TRIM37: variants seen among roughly 807,000 people sequenced by gnomAD.
TRIM37 encodes tripartite motif containing 37.
In TRIM37, 80 loss-of-function variants were observed where a neutral mutation model predicts 129.8. That is an observed-to-expected ratio of 0.62 (90% CI 0.51 to 0.74). The LOEUF (loss-of-function observed/expected upper bound fraction) is 0.74. Among genes scored for constraint, TRIM37 ranks in the 30% least tolerant of loss-of-function variants. TRIM37 has a pLI of 0.00. For missense variants in TRIM37, 1,054 were observed against 1,176.5 expected (o/e 0.90, Z 1.52); for synonymous variants, 389 against 387.1 (o/e 1.00, Z -0.06).
the TRIM37 span, among the ~76,000 whole-genome samples, chr17:58,975,744 T>C: frequency 6.6e-6 from 1 of 152,168 alleles, no homozygotes; most frequent in African/African-American, 2.4e-5. Flanking sequence ...TAGTCTGGAC[T>C]TTACCAGGTG....
At chr17:59,014,509 T>C (rs963499557) in intron 21 of TRIM37, among the ~76,000 whole-genome samples, 5 of 152,106 alleles carry the variant, frequency 3.3e-5, no homozygotes, top group African/African-American at 1.2e-4. Flanking sequence ...GAGATAAACG[T>C]GTTAACTACT....
chr17:58,969,520 T>C, the TRIM37 span: 1 of 1,613,666 alleles, frequency 6.2e-7, no homozygotes, highest in South Asian at 1.1e-5. Context: ...CCATAACTGT[T>C]CTGTGTTTCT....
Position 58,998,885 on chromosome 17 carries a change from C to A in TRIM37, c.*492G>T. On this transcript the variant is annotated 3_prime_UTR_variant, in exon 24 of 24. Transcript: ENST00000262294. ...AGTTATTCACATAGTGTCTACAGGGCAGAATCTCTTCCAAAGCAATTTTCT... is the reference window on the plus strand; with the variant it reads ...AGTTATTCACATAGTGTCTACAGGGAAGAATCTCTTCCAAAGCAATTTTCT... 9.9e-7 allele frequency: 1 copy of A among 1,014,232 alleles called. No homozygotes were observed. The highest frequency in any genetic ancestry group is 1.2e-6 in the Non-Finnish European group (1 of 846,764). 62.8% of individuals were successfully genotyped at this position (1,014,232 alleles called of 1,614,324 possible).
At position 59,106,591 on chromosome 17, in the gene TRIM37, A is replaced by T. The variant is rs2046025173; in HGVS notation, c.-130T>A. The T allele has an allele frequency of 1.9e-6, 2 of 1,067,658 alleles. No homozygotes were observed. The highest frequency in any genetic ancestry group is 2.8e-6 in the Non-Finnish European group (2 of 712,760). The allele number at this position is 1,067,658 out of a possible 1,614,324, so 66.1% of individuals were successfully genotyped here. On this transcript the variant is annotated 5_prime_UTR_variant, in exon 1 of 24. In the 5' UTR this introduces an upstream ATG that the reference lacks. Transcript: ENST00000262294. ...GCGCCCACGTCAGGGGGCTCTGACAACCGCCCCACCTGCGCGCCCCATCTC... is the reference window on the plus strand; with the variant it reads ...GCGCCCACGTCAGGGGGCTCTGACATCCGCCCCACCTGCGCGCCCCATCTC...
At chr17:59,087,400 G>A in intron 4 of TRIM37, among the ~76,000 whole-genome samples, 1 of 151,044 alleles carries the variant, frequency 6.6e-6, no homozygotes. Context: ...CGCCCGAATA[G>A]TAGGTTTTAA....
Position 59,056,649 on chromosome 17 carries a change from G to C in TRIM37, c.1199+226C>G, listed in dbSNP as rs374309914. On this transcript the variant is annotated intron_variant, in intron 13 of 23. Transcript: ENST00000262294. ...GGAGGCTGAGGCAGGAGAATGGCGT[G>C]AACCCGGGAGGCGGAGCTTGTAGTG... Among the ~76,000 whole-genome samples, 299 of 140,140 alleles carry C rather than the reference G, an allele frequency of 2.1e-3. 3 individuals are homozygous for C. Among genetic ancestry groups the C allele is most frequent in the East Asian group, 8.7e-3 (40 of 4,614 alleles). 91.9% of individuals were successfully genotyped at this position (140,140 alleles called of 152,430 possible).
At chr17:59,042,455 T>C (rs200398324) in intron 16 of TRIM37, among the ~76,000 whole-genome samples, 1 of 67,024 alleles carries the variant, frequency 1.5e-5, no homozygotes, top group African/African-American at 4.3e-5. Flanking sequence ...AAAAAATATA[T>C]ATATATATAT....
chr17:58,997,178 T>C (rs1054217247), downstream of TRIM37, among the ~76,000 whole-genome samples: 3 of 152,200 alleles, frequency 2.0e-5, no homozygotes, highest in African/African-American at 4.8e-5. Context: ...CAGGATTAAC[T>C]TCTTAGTTTT....
chr17:59,033,657 G>A (rs536863451), intron 17 of TRIM37, among the ~76,000 whole-genome samples: 57 of 151,904 alleles, frequency 3.8e-4, no homozygotes, highest in Non-Finnish European at 7.2e-4. Context: ...CTAGTGATCC[G>A]CCCGCCTCAG....
chr17:59,104,362 A>G lies in TRIM37; in HGVS notation c.54T>C (p.Cys18=). The change falls in exon 2 of 24, where the codon TGT becomes TGC. Residue 18 remains cysteine, a synonymous_variant. Transcript: ENST00000262294. The part of the protein sequence containing the change: ...SIAEVFRCFI[C]MEKLRDARLC... ...GGCGTGCATCCCGCAATTTCTCCAT[A>G]CAAATGAAACATCGGAAAACCTCAG... 1 of 1,614,248 alleles carries G rather than the reference A, an allele frequency of 6.2e-7. No individual in the cohort carries two copies. Among genetic ancestry groups the G allele is most frequent in the Non-Finnish European group, 8.5e-7 (1 of 1,180,050 alleles).
intron 3 of TRIM37, among the ~76,000 whole-genome samples, chr17:59,088,845 AG>A (rs2044018509): frequency 6.6e-6 from 1 of 152,220 alleles, no homozygotes; most frequent in Non-Finnish European, 1.5e-5. Flanking sequence ...ATAAAAAAAA[AG>A]ACAATGAAAA....
intron 23 of TRIM37, among the ~76,000 whole-genome samples, chr17:59,000,559 C>T (rs937821374): frequency 1.3e-5 from 2 of 151,922 alleles, no homozygotes; most frequent in African/African-American, 2.4e-5. Context: ...TGAGATTGTG[C>T]CACTGCACTT....
intron 16 of TRIM37, among the ~76,000 whole-genome samples, chr17:59,043,316 A>T (rs1287272709): frequency 1.3e-5 from 2 of 152,066 alleles, no homozygotes; most frequent in Non-Finnish European, 2.9e-5. Context: ...TTTAAAAACA[A>T]CCACTTAACG....
chr17:59,072,503 G>A (rs1424846664), intron 8 of TRIM37, among the ~76,000 whole-genome samples: 2 of 152,026 alleles, frequency 1.3e-5, no homozygotes, highest in African/African-American at 4.8e-5. Flanking sequence ...TGAGGCGGGT[G>A]GATCACTTAG....
chr17:58,976,699 C>T, the TRIM37 span, among the ~76,000 whole-genome samples: 2 of 152,024 alleles, frequency 1.3e-5, no homozygotes, highest in Admixed American at 6.6e-5. Context: ...AATTTGGGGG[C>T]GAAATGTCAT....
At chr17:59,072,166 G>A (rs1168924382) in intron 8 of TRIM37, among the ~76,000 whole-genome samples, 2 of 152,130 alleles carry the variant, frequency 1.3e-5, no homozygotes, top group Admixed American at 1.3e-4. Context: ...TCCATGTGAG[G>A]ACACAGTAAG....
rs746947433 is a variant in TRIM37, at chr17:59,106,854, T to A, written c.-393A>T. On this transcript the variant is annotated 5_prime_UTR_variant, in exon 1 of 24. Transcript: ENST00000262294. ...AAACACCAACCGTAACCAGAGCAGCTGGGGGCGCGGCGGCGAGAGAAGCTG... is the reference window on the plus strand; with the variant it reads ...AAACACCAACCGTAACCAGAGCAGCAGGGGGCGCGGCGGCGAGAGAAGCTG... 1 of 344,818 alleles carries A rather than the reference T, an allele frequency of 2.9e-6. No individual in the cohort carries two copies. The highest frequency in any genetic ancestry group is 2.2e-5 in the African/African-American group (1 of 45,100). The allele number at this position is 344,818 out of a possible 1,614,324, so 21.4% of individuals were successfully genotyped here.
chr17:59,076,025 T>G (rs1397423577), intron 7 of TRIM37, among the ~76,000 whole-genome samples: 1 of 152,212 alleles, frequency 6.6e-6, no homozygotes, highest in East Asian at 1.9e-4. Context: ...ATTTTCATAT[T>G]CCCTTGGGAA....
At chr17:59,017,853 T>C (rs2145160525) in intron 19 of TRIM37, among the ~76,000 whole-genome samples, 1 of 152,250 alleles carries the variant, frequency 6.6e-6, no homozygotes, top group East Asian at 1.9e-4. Context: ...CTCGAACACC[T>C]GAACTCAGGT....
Sources: allele counts gnomAD v4.1 joint callset (sites outside exome capture counted in the v4.1 genomes callset), GRCh38; gene constraint gnomAD v4.1.1; transcripts MANE v1.5; gene names NCBI Gene and HGNC (gene_info 2026-07-23, HGNC 2026-07-21).